Variants in NUP93 observed in about 807,000 individuals in gnomAD.
NUP93 encodes nuclear pore complex protein Nup93.
NUP93 carries 55 observed loss-of-function variants against 107.8 expected under a neutral mutation model. The ratio of observed to expected loss-of-function variants is 0.51; its 90% CI spans 0.41 to 0.64. The LOEUF is 0.64. Among genes scored for constraint, NUP93 ranks in the 30% least tolerant of loss-of-function variants. The pLI, the probability that NUP93 is intolerant of heterozygous loss-of-function variation, is 0.00. For missense variants in NUP93, 937 were observed against 1,044.7 expected (o/e 0.90, Z 1.42); for synonymous variants, 390 against 397.5 (o/e 0.98, Z 0.22).
At chr16:56,816,497 T>C (rs1963435669) in intron 5 of NUP93, among the ~76,000 whole-genome samples, 2 of 152,228 alleles carry the variant, frequency 1.3e-5, no homozygotes, top group African/African-American at 2.4e-5. Context: ...CACATCCATC[T>C]ACTTTAGGTT....
intron 1 of NUP93, among the ~76,000 whole-genome samples, chr16:56,741,062 T>C (rs1386827844): frequency 6.6e-6 from 1 of 151,812 alleles, no homozygotes; most frequent in Non-Finnish European, 1.5e-5. Flanking sequence ...AATCACACCT[T>C]CATTATGGAA....
At chr16:56,815,902 C>CTGCTGG (rs1555495764) in intron 5 of NUP93, among the ~76,000 whole-genome samples, 16 of 133,080 alleles carry the variant, frequency 1.2e-4, no homozygotes, top group East Asian at 4.2e-4. Context: ...GCTGCTGGTG[C>CTGCTGG]TGCTGCTGCT....
At chr16:56,790,432 T>G (rs1482090956) in intron 3 of NUP93, among the ~76,000 whole-genome samples, 4 of 152,174 alleles carry the variant, frequency 2.6e-5, no homozygotes, top group Non-Finnish European at 5.9e-5. Flanking sequence ...TGAGGCGCTC[T>G]CCGTGTAGGC....
intron 5 of NUP93, among the ~76,000 whole-genome samples, chr16:56,810,072 C>G (rs905882143): frequency 6.6e-6 from 1 of 152,132 alleles, no homozygotes; most frequent in African/African-American, 2.4e-5. Flanking sequence ...CTTGATTGCT[C>G]TTCTCGTAAA....
In NUP93 at chr16:56,818,644, G is replaced by A. The variant is rs746965916; in HGVS notation, c.490-20G>A. ...CTGAATACTGTCCCTAACTGATTCT[G>A]AATGTGTATTTATCCACAGCCAAGC... On this transcript the variant is annotated intron_variant, in intron 5 of 21. Transcript: ENST00000308159. The A allele has an allele frequency of 6.2e-7, 1 of 1,600,570 alleles. No individual in the cohort carries two copies. The highest frequency in any genetic ancestry group is 8.6e-7 in the Non-Finnish European group (1 of 1,168,054).
intron 21 of NUP93, among the ~76,000 whole-genome samples, chr16:56,843,632 A>G (rs1293003586): frequency 1.3e-5 from 2 of 152,182 alleles, no homozygotes; most frequent in Non-Finnish European, 2.9e-5. Context: ...CCTTTTATTC[A>G]CTTCTAAAGA....
chr16:56,819,872 C>G (rs923788721), intron 6 of NUP93, among the ~76,000 whole-genome samples: 2 of 152,180 alleles, frequency 1.3e-5, no homozygotes, highest in African/African-American at 2.4e-5. Flanking sequence ...CTGAAACCCC[C>G]AGCTTCATCA....
chr16:56,805,372 T>TA, intron 4 of NUP93, 132 bp from the exon 5 acceptor site: 1 of 932,976 alleles, frequency 1.1e-6, no homozygotes, highest in Non-Finnish European at 1.6e-6. Flanking sequence ...AGATAATTTT[T>TA]AAAGTAGATT....
chr16:56,768,195 T>C (rs1355831974), intron 3 of NUP93, among the ~76,000 whole-genome samples: 1 of 152,208 alleles, frequency 6.6e-6, no homozygotes, highest in Non-Finnish European at 1.5e-5. Flanking sequence ...TAAATAGTTG[T>C]GTTTTTTTCT....
At chr16:56,790,066 C>T (rs879683087) in intron 3 of NUP93, among the ~76,000 whole-genome samples, 3 of 151,848 alleles carry the variant, frequency 2.0e-5, no homozygotes, top group African/African-American at 7.3e-5. Context: ...CACTGCACTC[C>T]AGCCTGGGCA....
chr16:56,758,695 AC>A, intron 3 of NUP93, 40 bp downstream of exon 3: 2 of 1,435,032 alleles, frequency 1.4e-6, no homozygotes, highest in Non-Finnish European at 9.8e-7. Flanking sequence ...AGAGCATATA[AC>A]CCAGGCTGAA....
At chr16:56,836,449 G>A in intron 16 of NUP93, 152 bp from the exon 17 acceptor site, 1 of 638,050 alleles carries the variant, frequency 1.6e-6, no homozygotes, top group Non-Finnish European at 2.8e-6. Context: ...CTTTAAGAAA[G>A]CCAGAGTCTG....
At chr16:56,769,315 G>T (rs564456452) in intron 3 of NUP93, among the ~76,000 whole-genome samples, 1 of 152,166 alleles carries the variant, frequency 6.6e-6, no homozygotes, top group Non-Finnish European at 1.5e-5. Flanking sequence ...GAATGGATGT[G>T]GTAGGCATAG....
At chr16:56,779,970 A>G (rs901632280) in intron 3 of NUP93, among the ~76,000 whole-genome samples, 16 of 152,160 alleles carry the variant, frequency 1.1e-4, no homozygotes, top group African/African-American at 3.6e-4. Flanking sequence ...TCCTATTGCT[A>G]TATATCCACC....
At chr16:56,773,510 A>G (rs1232326661) in intron 3 of NUP93, among the ~76,000 whole-genome samples, 1 of 152,174 alleles carries the variant, frequency 6.6e-6, no homozygotes, top group Non-Finnish European at 1.5e-5. Context: ...TTCCTCCTCC[A>G]TTCCTCTCCT....
chr16:56,830,459 G>A, intron 9 of NUP93, 69 bp from the exon 10 acceptor site: 1 of 1,458,082 alleles, frequency 6.9e-7, no homozygotes, highest in South Asian at 1.4e-5. Context: ...GCTTAGCTCG[G>A]TTTTAGCACA....
Position 56,747,608 on chromosome 16 carries a change from A to G in NUP93, c.-14-626A>G, listed in dbSNP as rs556987161. ...TTAGTGAAGGAGCAGGTGTGTTAGA[A>G]TAACAGTAGGGGAGAGAGGGAGAGT... is the stretch of plus-strand genomic sequence containing the variant. On this transcript the variant is annotated intron_variant, in intron 1 of 21. Coordinates refer to ENST00000308159, the MANE Select transcript of NUP93 (RefSeq NM_014669.5). 1.1e-4 allele frequency among the ~76,000 whole-genome samples: 16 copies of G among 152,108 alleles called. No individual in the cohort carries two copies. In the South Asian group the frequency reaches 3.3e-3, roughly 32 times the overall value.
rs182712761 is a variant in NUP93 at position 56,840,424 on chromosome 16, C to T, written c.2220+820C>T. Reference sequence around the variant, plus strand: ...TGGGTTTCTAGCATATTGCCAGCATCTAGCCTAGGGTGCTCAGCTGGGCTG... The same window carrying T: ...TGGGTTTCTAGCATATTGCCAGCATTTAGCCTAGGGTGCTCAGCTGGGCTG... On this transcript the variant is annotated intron_variant, in intron 20 of 21. Coordinates refer to ENST00000308159, the MANE Select transcript of NUP93 (RefSeq NM_014669.5). Among the ~76,000 whole-genome samples the T allele has an allele frequency of 2.4e-3, 371 of 152,334 alleles. 1 individual carries two copies. The highest frequency in any genetic ancestry group is 3.5e-3 in the Non-Finnish European group (239 of 68,020).
Position 56,841,744 on chromosome 16 carries a change from A to G in NUP93, c.2260A>G (p.Asn754Asp). The change falls in exon 21 of 22, where the codon AAC becomes GAC. Residue 754 changes from asparagine to aspartate, a missense_variant. Transcript: ENST00000308159. ...NLSEVLLATMNILFTQFKRLK... is the reference protein window; with the variant it reads ...NLSEVLLATMDILFTQFKRLK... ...CTCAGAAGTGCTTCTTGCCACCATG[A>G]ACATCTTGTTCACACAGTTTAAGAG... is the stretch of plus-strand genomic sequence containing the variant. The G allele has an allele frequency of 6.2e-7, 1 of 1,614,184 alleles. No homozygotes were observed. The highest frequency in any genetic ancestry group is 8.5e-7 in the Non-Finnish European group (1 of 1,180,016).
Sources: allele counts gnomAD v4.1 joint callset (sites outside exome capture counted in the v4.1 genomes callset), GRCh38; gene constraint gnomAD v4.1.1; transcripts MANE v1.5; gene names NCBI Gene and HGNC (gene_info 2026-07-23, HGNC 2026-07-21).